Variants in NHSL1 observed in about 807,000 individuals in gnomAD.
The protein encoded by NHSL1 is NHS like 1, also known as NHS-like protein 1.
In NHSL1, 48 loss-of-function variants were observed where a neutral mutation model predicts 95.0. The observed-to-expected ratio is 0.51, with a 90% CI of 0.40 to 0.64. NHSL1 has a LOEUF of 0.64. Ranked by LOEUF, NHSL1 falls within the 30% of genes least tolerant of loss-of-function variation. The pLI, the probability that NHSL1 is intolerant of heterozygous loss-of-function variation, is 0.00. For missense variants in NHSL1, 1,971 were observed against 2,077.7 expected (o/e 0.95, Z 1.00); for synonymous variants, 783 against 833.9 (o/e 0.94, Z 1.05).
rs1785693588 is a variant in NHSL1, at chr6:138,692,470, A to T, written c.96+6T>A. ...GTTCCCCTCCCCCGGCCCGCCGGCC[A>T]CTCACGGATTTTCACTCGGCGGTGG... On this transcript the variant is annotated splice_donor_region_variant and intron_variant, in intron 1 of 3. Transcript: ENST00000491526. The surrounding 1 kb of genome is among the most constrained non-coding windows in gnomAD (Gnocchi z 4.0). The T allele has an allele frequency of 4.9e-6, 1 of 202,986 alleles. No homozygotes were observed. The highest frequency in any genetic ancestry group is 9.8e-6 in the Non-Finnish European group (1 of 102,184). The allele number at this position is 202,986 out of a possible 1,614,324, so 12.6% of individuals were successfully genotyped here.
intron 2 of NHSL1, among the ~76,000 whole-genome samples, chr6:138,484,290 G>C (rs1779596368): frequency 6.6e-6 from 1 of 152,174 alleles, no homozygotes; most frequent in Admixed American, 6.5e-5. Flanking sequence ...TAAGATGTAA[G>C]AGAGGAGGTG....
upstream of NHSL1, among the ~76,000 whole-genome samples, chr6:138,546,477 C>A (rs2128328695): frequency 7.3e-6 from 1 of 137,900 alleles, no homozygotes; most frequent in East Asian, 2.1e-4. Flanking sequence ...GGCATGGTGG[C>A]ATGCACCTGT....
chr6:138,586,646 G>A (rs1784139787), intron 1 of NHSL1, among the ~76,000 whole-genome samples: 1 of 152,318 alleles, frequency 6.6e-6, no homozygotes, highest in South Asian at 2.1e-4. Context: ...TCATAATAAA[G>A]TCTACCTAGA....
intron 1 of NHSL1, among the ~76,000 whole-genome samples, chr6:138,541,744 A>C (rs748991994): frequency 1.4e-4 from 21 of 152,390 alleles, no homozygotes; most frequent in Admixed American, 7.8e-4. Flanking sequence ...AATCGATTAA[A>C]GGAAATAAAA....
chr6:138,556,084 A>G (rs569975964), intron 1 of NHSL1, among the ~76,000 whole-genome samples: 1 of 152,216 alleles, frequency 6.6e-6, no homozygotes, highest in South Asian at 2.1e-4. Context: ...CTGTGTACAT[A>G]TATTTACTAA....
chr6:138,474,727 T>G (rs2128249941), intron 2 of NHSL1, among the ~76,000 whole-genome samples: 1 of 152,334 alleles, frequency 6.6e-6, no homozygotes, highest in Non-Finnish European at 1.5e-5. Context: ...TAAAGAAAAT[T>G]TCTGAAAATT....
intron 1 of NHSL1, among the ~76,000 whole-genome samples, chr6:138,679,997 T>C (rs57366989): frequency 0.18 from 28,010 of 152,166 alleles, 2,820 homozygotes; most frequent in South Asian, 0.37. Flanking sequence ...GATTTTTTTC[T>C]TCATTATATT....
rs143686785 is a variant in NHSL1, at chr6:138,559,543, C to T, written c.202+12167G>A. Among the ~76,000 whole-genome samples, 295 of 152,266 alleles carry T rather than the reference C, an allele frequency of 1.9e-3. 2 individuals carry two copies. Among genetic ancestry groups the T allele is most frequent in the African/African-American group, 6.9e-3 (285 of 41,552 alleles). On this transcript the variant is annotated intron_variant, in intron 1 of 6. Transcript: ENST00000427025. ...GGACCAGATGGTTTTCTGAGAGGCA[C>T]CACTACTCTACACTGTTTCTCAAAG...
chr6:138,673,266 A>G (rs1358323578), intron 1 of NHSL1, among the ~76,000 whole-genome samples: 1 of 151,376 alleles, frequency 6.6e-6, no homozygotes, highest in Non-Finnish European at 1.5e-5. Flanking sequence ...AGTCTGAGGA[A>G]TTTGCAAAGC....
chr6:138,496,872 T>C (rs948065984), intron 1 of NHSL1, among the ~76,000 whole-genome samples: 1 of 152,236 alleles, frequency 6.6e-6, no homozygotes, highest in East Asian at 1.9e-4. Flanking sequence ...ATAAACTCAA[T>C]TACATTTTTA....
chr6:138,677,096 C>A (rs1785458848), intron 1 of NHSL1, among the ~76,000 whole-genome samples: 1 of 152,170 alleles, frequency 6.6e-6, no homozygotes, highest in African/African-American at 2.4e-5. Context: ...TAAAGCAAAG[C>A]AGGATTCCAC....
chr6:138,665,572 T>G (rs1365677576), intron 1 of NHSL1, among the ~76,000 whole-genome samples: 1 of 152,216 alleles, frequency 6.6e-6, no homozygotes, highest in Non-Finnish European at 1.5e-5. Context: ...GTTGGCTGGA[T>G]GGATGGATAA....
In NHSL1 at chr6:138,432,241, C is replaced by T. The variant is rs1255088466; in HGVS notation, c.2104G>A (p.Ala702Thr). The T allele has an allele frequency of 1.6e-5, 25 of 1,548,512 alleles. No individual in the cohort carries two copies. In the East Asian group the frequency reaches 5.9e-4, roughly 36 times the overall value. ...NGQVLNESLI[A>T]TLQHSLQLSL... ...AGCTGCAGCGAGTGCTGGAGTGTGGCGATCAGGCTCTCGTTGAGCACCTGC... is the reference window on the plus strand; with the variant it reads ...AGCTGCAGCGAGTGCTGGAGTGTGGTGATCAGGCTCTCGTTGAGCACCTGC... Residue 702 changes from alanine to threonine, a missense_variant, in exon 6 of 8, where the codon GCC becomes ACC. This residue lies in a region of NHSL1 where 1,602 missense variants were observed against 1,654.5 expected (regional missense o/e 0.97). Coordinates refer to ENST00000343505, the MANE Select transcript of NHSL1 (RefSeq NM_001144060.2). The surrounding 1 kb of genome is among the most constrained non-coding windows in gnomAD (Gnocchi z 4.4).
chr6:138,510,920 C>G (rs945437503), intron 1 of NHSL1, among the ~76,000 whole-genome samples: 4 of 152,154 alleles, frequency 2.6e-5, no homozygotes, highest in African/African-American at 9.7e-5. Flanking sequence ...TGACTTGATG[C>G]CACAGAAGTA....
At chr6:138,495,606 A>G (rs946394102) in intron 2 of NHSL1, among the ~76,000 whole-genome samples, 1 of 152,256 alleles carries the variant, frequency 6.6e-6, no homozygotes, top group African/African-American at 2.4e-5. Flanking sequence ...CGGTTTAAAC[A>G]TGCTAAAGTG....
intron 1 of NHSL1, among the ~76,000 whole-genome samples, chr6:138,609,823 TA>T (rs924397961): frequency 9.2e-5 from 14 of 151,492 alleles, no homozygotes; most frequent in African/African-American, 3.4e-4. Context: ...AGTGAGATCA[TA>T]AATGTAAAGT....
intron 3 of NHSL1, among the ~76,000 whole-genome samples, chr6:138,472,641 A>G (rs1386540769): frequency 1.3e-5 from 2 of 152,322 alleles, no homozygotes; most frequent in Middle Eastern, 3.4e-3. Context: ...GTAAATGAAA[A>G]TAAAACTACA....
chr6:138,432,806 G>A lies in NHSL1; in HGVS notation c.1539C>T (p.Ser513=), dbSNP rs550406167. Residue 513 remains serine, a synonymous_variant, in exon 6 of 8, where the codon TCC becomes TCT. Transcript: ENST00000343505. The surrounding 1 kb of genome is among the most constrained non-coding windows in gnomAD (Gnocchi z 4.4). ...TTCTACAATTATACGGCATAGCTTG[G>A]GACCCATTCTCCCTATTTGCTGGAG... ...LNAPANRENG[S]QAMPYNCRNN... 6.4e-7 allele frequency: 1 copy of A among 1,551,642 alleles called. No individual in the cohort carries two copies. The highest frequency in any genetic ancestry group is 1.4e-5 in the African/African-American group (1 of 73,142).
chr6:138,651,958 C>T lies in NHSL1; in HGVS notation c.96+40518G>A, dbSNP rs183331152. ...ACAATAAGTATACTCAATGTTAATA[C>T]TGCTTCTATTTCTTATTAACAATAT... On this transcript the variant is annotated intron_variant, in intron 1 of 3. Transcript: ENST00000491526. Among the ~76,000 whole-genome samples, 231 of 152,210 alleles carry T rather than the reference C, an allele frequency of 1.5e-3. 1 individual carries two copies. Among genetic ancestry groups the T allele is most frequent in the Admixed American group, 3.5e-3 (54 of 15,278 alleles).
Sources: allele counts gnomAD v4.1 joint callset (sites outside exome capture counted in the v4.1 genomes callset), GRCh38; gene constraint gnomAD v4.1.1; regional missense constraint gnomAD v4.1.1; non-coding constraint Gnocchi (gnomAD v3.1); transcripts MANE v1.5; gene names NCBI Gene and HGNC (gene_info 2026-07-23, HGNC 2026-07-21).